RFPL4B: variants seen among roughly 807,000 people sequenced by gnomAD.
The protein encoded by RFPL4B is ret finger protein-like 4B.
For missense variants in RFPL4B, 314 were observed against 327.7 expected (o/e 0.96, Z 0.32); for synonymous variants, 118 against 126.3 (o/e 0.93, Z 0.44).
rs774909693 is a variant in RFPL4B, at chr6:112,349,719, G to A, written c.11G>A (p.Arg4His). The change falls in exon 3 of 3, where the codon CGC becomes CAC. Residue 4 changes from arginine (R) to histidine (H), a missense_variant. Arg to His is a conservative substitution (Grantham distance 29). Transcript: ENST00000441065. MAKRLQAELSCPVC... is the reference protein window; with the variant it reads MAKHLQAELSCPVC... ...TAACCCTTAAGAACCATGGCCAAAC[G>A]CCTGCAAGCAGAGTTGTCCTGTCCA... The A allele has an allele frequency of 1.9e-5, 30 of 1,613,146 alleles. No homozygotes were observed. In the Middle Eastern group the frequency reaches 6.6e-4, roughly 35 times the overall value.
rs185574409 is a variant in RFPL4B, at chr6:112,349,854, G to C, written c.146G>C (p.Cys49Ser). The C allele has an allele frequency of 6.2e-7, 1 of 1,614,150 alleles. No homozygotes were observed. Among genetic ancestry groups the C allele is most frequent in the Non-Finnish European group, 8.5e-7 (1 of 1,180,022 alleles). ...ILENHDFRAM[C>S]PLCRDVVKVP... is the part of the protein sequence containing the mutation. ...GAAAACCATGATTTTAGAGCGATGT[G>C]CCCCTTGTGTCGAGACGTGGTGAAG... Residue 49 changes from cysteine to serine, a missense_variant, in exon 3 of 3, where the codon TGC becomes TCC. Transcript: ENST00000441065.
In RFPL4B at chr6:112,349,793, G is replaced by A. The variant is rs369372940; in HGVS notation, c.85G>A (p.Val29Met). 4.7e-5 allele frequency: 76 copies of A among 1,613,944 alleles called. No individual in the cohort carries two copies. The highest frequency in any genetic ancestry group is 6.0e-5 in the Non-Finnish European group (71 of 1,180,004). ...SCSISLSCTH[V>M]FCFDCIQRYI... ...TTCCATTTCTCTCTCTTGTACACAC[G>A]TGTTCTGCTTTGATTGCATCCAGAG... Residue 29 changes from valine (V) to methionine (M), a missense_variant, in exon 3 of 3, where the codon GTG (valine) becomes ATG (methionine). Coordinates refer to ENST00000441065, the MANE Select transcript of RFPL4B (RefSeq NM_001013734.3).
chr6:112,350,112 TCCTGGGTACTC>T lies in RFPL4B; in HGVS notation c.409_419del (p.Gly137LeufsTer11). 1 of 1,614,208 alleles carries T rather than the reference TCCTGGGTACTC, an allele frequency of 6.2e-7. No homozygotes were observed. The highest frequency in any genetic ancestry group is 2.2e-5 in the East Asian group (1 of 44,874). ...ACAAAAGATCCCAGGCTGGCCTGTG[TCCTGGGTACTC>T]CCTGCTTCTCCTCCGGCCAACATTA... On this transcript the variant is annotated frameshift_variant, in exon 3 of 3. Coordinates refer to ENST00000441065, the MANE Select transcript of RFPL4B (RefSeq NM_001013734.3). LOFTEE classifies it low-confidence loss of function (END_TRUNC).
In RFPL4B at chr6:112,350,709, G is replaced by C. The variant is rs1384103090; in HGVS notation, c.*209G>C. 2 of 523,456 alleles carry C rather than the reference G, an allele frequency of 3.8e-6. No homozygotes were observed. The highest frequency in any genetic ancestry group is 6.9e-6 in the Non-Finnish European group (2 of 290,444). 32.4% of individuals were successfully genotyped at this position (523,456 alleles called of 1,614,324 possible). On this transcript the variant is annotated 3_prime_UTR_variant, in exon 3 of 3. Coordinates refer to ENST00000441065, the MANE Select transcript of RFPL4B (RefSeq NM_001013734.3). ...TGTAGCTAGGTAACTGGGGTCTTTA[G>C]GGATGTTATTAAGTACTGTAAGCTT...
chr6:112,350,702 G>T lies in RFPL4B; in HGVS notation c.*202G>T. On this transcript the variant is annotated 3_prime_UTR_variant, in exon 3 of 3. Coordinates refer to ENST00000441065, the MANE Select transcript of RFPL4B (RefSeq NM_001013734.3). ...TGGAATTTGTAGCTAGGTAACTGGG[G>T]TCTTTAGGGATGTTATTAAGTACTG... 1.9e-6 allele frequency: 1 copy of T among 532,118 alleles called. No individual in the cohort carries two copies. 33.0% of individuals were successfully genotyped at this position (532,118 alleles called of 1,614,324 possible).
At chr6:112,347,909 G>C (rs1404214779) in intron 1 of RFPL4B, among the ~76,000 whole-genome samples, 2 of 152,072 alleles carry the variant, frequency 1.3e-5, no homozygotes, top group East Asian at 3.9e-4. Context: ...GGGAGGCAGA[G>C]GTTGCAGTGA....
In RFPL4B at chr6:112,350,402, CATG is replaced by C; in HGVS notation, c.698_700del (p.Asp233del). On this transcript the variant is annotated inframe_deletion, in exon 3 of 3. Coordinates refer to ENST00000441065, the MANE Select transcript of RFPL4B (RefSeq NM_001013734.3). ...TGACAATAATGTCCTCATCTATACA[CATG>C]ATGGTTTCTTCTCTTTGGAGCTTTT... The C allele has an allele frequency of 2.5e-6, 4 of 1,613,898 alleles. No homozygotes were observed. The highest frequency in any genetic ancestry group is 3.4e-6 in the Non-Finnish European group (4 of 1,179,802).
intron 1 of RFPL4B, among the ~76,000 whole-genome samples, chr6:112,347,806 T>A (rs1450467644): frequency 6.6e-6 from 1 of 152,202 alleles, no homozygotes; most frequent in Admixed American, 6.5e-5. Context: ...AAACCCCGTC[T>A]CTACTAAAAA....
chr6:112,350,563 C>T lies in RFPL4B; in HGVS notation c.*63C>T. 1 of 1,280,470 alleles carries T rather than the reference C, an allele frequency of 7.8e-7. No homozygotes were observed. The highest frequency in any genetic ancestry group is 1.1e-6 in the Non-Finnish European group (1 of 920,416). 79.3% of individuals were successfully genotyped at this position (1,280,470 alleles called of 1,614,324 possible). ...AAGAGAATTTTGGCCTGAGAAAGGT[C>T]AGCATGATTGAGGAAGAGATAATGT... On this transcript the variant is annotated 3_prime_UTR_variant, in exon 3 of 3. Coordinates refer to ENST00000441065, the MANE Select transcript of RFPL4B (RefSeq NM_001013734.3).
chr6:112,349,472 G>T (rs1452821174), intron 2 of RFPL4B, 132 bp from the exon 3 acceptor site: 1 of 160,592 alleles, frequency 6.2e-6, no homozygotes, highest in Admixed American at 6.4e-5. Flanking sequence ...TACACAAACT[G>T]CAGAAATATT....
chr6:112,350,109 G>A lies in RFPL4B; in HGVS notation c.401G>A (p.Cys134Tyr). 2 of 1,614,234 alleles carry A rather than the reference G, an allele frequency of 1.2e-6. No homozygotes were observed. Among genetic ancestry groups the A allele is most frequent in the Non-Finnish European group, 1.7e-6 (2 of 1,180,046 alleles). The change falls in exon 3 of 3, where the codon TGT (cysteine) becomes TAT (tyrosine). Residue 134 changes from cysteine to tyrosine, a missense_variant. By Grantham distance (194) the Cys-to-Tyr change is radical. Coordinates refer to ENST00000441065, the MANE Select transcript of RFPL4B (RefSeq NM_001013734.3). Reference sequence around the variant, plus strand: ...CTGACAAAAGATCCCAGGCTGGCCTGTGTCCTGGGTACTCCCTGCTTCTCC... The same window carrying A: ...CTGACAAAAGATCCCAGGCTGGCCTATGTCCTGGGTACTCCCTGCTTCTCC... ...HDLTKDPRLACVLGTPCFSSG... is the reference protein window; with the variant it reads ...HDLTKDPRLAYVLGTPCFSSG...
Position 112,350,639 on chromosome 6 carries a change from G to A in RFPL4B, c.*139G>A, listed in dbSNP as rs919037516. On this transcript the variant is annotated 3_prime_UTR_variant, in exon 3 of 3. Coordinates refer to ENST00000441065, the MANE Select transcript of RFPL4B (RefSeq NM_001013734.3). ...TTTTAAAGTAGATTTTGTAGACTTT[G>A]TAGCAAAACAATTTTCGGATTTTTG... 6 of 702,790 alleles carry A rather than the reference G, an allele frequency of 8.5e-6. No homozygotes were observed. In the Admixed American group the frequency reaches 1.7e-4, roughly 20 times the overall value. The allele number at this position is 702,790 out of a possible 1,614,324, so 43.5% of individuals were successfully genotyped here. A position where few individuals can be genotyped will look rare whatever the true frequency, so the allele number is the denominator to read the frequency against.
rs757633697 is a variant in RFPL4B, at chr6:112,350,316, G to A, written c.608G>A (p.Arg203His). ...THLERIPASP[R>H]LRRVGIFLDA... ...CTGGAGAGAATTCCTGCAAGCCCTC[G>A]CCTTCGCCGTGTGGGAATTTTCCTG... Residue 203 changes from arginine to histidine, a missense_variant, in exon 3 of 3, where the codon CGC (arginine) becomes CAC (histidine). By Grantham distance (29) the Arg-to-His change is conservative (BLOSUM62 0). Transcript: ENST00000441065. 4.3e-5 allele frequency: 69 copies of A among 1,614,098 alleles called. No individual in the cohort carries two copies. The highest frequency in any genetic ancestry group is 5.6e-5 in the Non-Finnish European group (66 of 1,180,050).
At position 112,349,607 on chromosome 6, in the gene RFPL4B, A is replaced by G. The variant is rs1052376575; in HGVS notation, c.-102A>G. On this transcript the variant is annotated 5_prime_UTR_variant, in exon 3 of 3. Coordinates refer to ENST00000441065, the MANE Select transcript of RFPL4B (RefSeq NM_001013734.3). ...TATTATTTAATCTTGGATTTAGACT[A>G]TTGAAGAGTGGATTGTGTACTGAGG... The G allele has an allele frequency of 1.2e-4, 84 of 722,184 alleles. No individual in the cohort carries two copies. The highest frequency in any genetic ancestry group is 8.3e-4 in the African/African-American group (47 of 56,844). The allele number at this position is 722,184 out of a possible 1,614,324, so 44.7% of individuals were successfully genotyped here.
chr6:112,349,755 A>AT lies in RFPL4B; in HGVS notation c.53dup (p.Ser19LeufsTer15). The stretch of plus-strand genomic sequence containing the variant: ...GAGTTGTCCTGTCCAGTTTGCCTGG[A>AT]TTTTTTCTCCTGTTCCATTTCTCTC... On this transcript the variant is annotated frameshift_variant, in exon 3 of 3. Transcript: ENST00000441065. LOFTEE classifies it low-confidence loss of function (END_TRUNC). 1.9e-6 allele frequency: 3 copies of AT among 1,613,830 alleles called. No homozygotes were observed. Among genetic ancestry groups the AT allele is most frequent in the Non-Finnish European group, 1.7e-6 (2 of 1,179,972 alleles).
rs1193233871 is a variant in RFPL4B, at chr6:112,350,417, T to C, written c.709T>C (p.Ser237Pro). ...CATCTATACACATGATGGTTTCTTC[T>C]CTTTGGAGCTTTTGTGTCCATTCTT... ...VLIYTHDGFFSLELLCPFFCL... is the reference protein window; with the variant it reads ...VLIYTHDGFFPLELLCPFFCL... The change falls in exon 3 of 3, where the codon TCT becomes CCT. Residue 237 changes from serine (S) to proline (P), a missense_variant. Physicochemically the swap from Ser to Pro is moderately conservative, Grantham distance 74. Coordinates refer to ENST00000441065, the MANE Select transcript of RFPL4B (RefSeq NM_001013734.3). 1.2e-6 allele frequency: 2 copies of C among 1,613,704 alleles called. No individual in the cohort carries two copies. The highest frequency in any genetic ancestry group is 3.3e-5 in the Admixed American group (2 of 60,028).
In RFPL4B at chr6:112,350,590, C is replaced by A; in HGVS notation, c.*90C>A. The A allele has an allele frequency of 2.0e-6, 2 of 989,210 alleles. No homozygotes were observed. Among genetic ancestry groups the A allele is most frequent in the Non-Finnish European group, 3.0e-6 (2 of 663,906 alleles). 61.3% of individuals were successfully genotyped at this position (989,210 alleles called of 1,614,324 possible). On this transcript the variant is annotated 3_prime_UTR_variant, in exon 3 of 3. Transcript: ENST00000441065. ...GCATGATTGAGGAAGAGATAATGTG[C>A]TATAGTGCAAAGACTTGGTAAATTT...
At chr6:112,347,869 G>T (rs1056961960) in intron 1 of RFPL4B, among the ~76,000 whole-genome samples, 8 of 152,020 alleles carry the variant, frequency 5.3e-5, no homozygotes, top group African/African-American at 1.9e-4. Flanking sequence ...AGCTACTCAG[G>T]AGACCGAGGC....
chr6:112,349,662 G>T lies in RFPL4B; in HGVS notation c.-47G>T. 2 of 1,553,740 alleles carry T rather than the reference G, an allele frequency of 1.3e-6. No homozygotes were observed. The highest frequency in any genetic ancestry group is 1.8e-6 in the Non-Finnish European group (2 of 1,138,618). On this transcript the variant is annotated 5_prime_UTR_variant, in exon 3 of 3. The change creates a new upstream start codon in the 5' untranslated region. Transcript: ENST00000441065. ...CCAAGTGCTTCCAGAAGCCAATAAA[G>T]GATCACTTCAGTTTACTTCACGGCT...
Sources: allele counts gnomAD v4.1 joint callset (sites outside exome capture counted in the v4.1 genomes callset), GRCh38; gene constraint gnomAD v4.1.1; transcripts MANE v1.5; gene names NCBI Gene and HGNC (gene_info 2026-07-23, HGNC 2026-07-21).